Variants in TENM1 observed in about 807,000 individuals in gnomAD.
The protein encoded by TENM1 is teneurin-1.
In TENM1, 35 loss-of-function variants were observed where a neutral mutation model predicts 174.8. That is an observed-to-expected ratio of 0.20 (90% confidence interval 0.15 to 0.27). The LOEUF (loss-of-function observed/expected upper bound fraction) is 0.27. Ranked by LOEUF, TENM1 falls within the 10% of genes least tolerant of loss-of-function variation. The probability of loss-of-function intolerance (pLI) is 1.00; values close to 1 mark genes in which losing one functional copy is unlikely to be tolerated. For missense variants in TENM1, 1,633 were observed against 2,130.1 expected (o/e 0.77, Z 4.59); for synonymous variants, 781 against 798.7 (o/e 0.98, Z 0.37).
At chrX:124,809,792 C>T (rs1301842430) in intron 3 of TENM1, among the ~76,000 whole-genome samples, 2 of 106,011 alleles carry the variant, frequency 1.9e-5, no homozygotes, top group African/African-American at 6.9e-5. Context: ...AATAAACTTA[C>T]AATCATGGTA....
At chrX:125,203,460 G>C in the TENM1 span, among the ~76,000 whole-genome samples, 1 of 112,623 alleles carries the variant, frequency 8.9e-6, no homozygotes, top group Non-Finnish European at 1.9e-5. Flanking sequence ...AACTGAAGGA[G>C]TTGGTTGGTA....
chrX:124,987,717 G>A, the TENM1 span, among the ~76,000 whole-genome samples: 1 of 105,876 alleles, frequency 9.4e-6, no homozygotes, highest in Non-Finnish European at 1.9e-5. Flanking sequence ...GTGTGTGTGT[G>A]TGTGTGTGTG....
the TENM1 span, among the ~76,000 whole-genome samples, chrX:125,074,762 G>A: frequency 2.7e-5 from 3 of 110,451 alleles, no homozygotes; most frequent in Non-Finnish European, 1.9e-5. Context: ...ATTACACCAG[G>A]TCTATTCTCT....
chrX:124,715,324 G>A (rs1479795583), intron 4 of TENM1, among the ~76,000 whole-genome samples: 1 of 110,470 alleles, frequency 9.1e-6, no homozygotes, highest in Non-Finnish European at 1.9e-5. Flanking sequence ...GAACAAACAG[G>A]TGACGCAGGA....
the TENM1 span, among the ~76,000 whole-genome samples, chrX:124,983,622 G>T: frequency 4.5e-5 from 5 of 110,370 alleles, no homozygotes; most frequent in South Asian, 3.8e-4. Flanking sequence ...AAGTTTTTTT[G>T]TTGTTGTTTG....
chrX:124,560,191 T>TTGTGTGTGTGTGTGTG (rs375476919), intron 14 of TENM1, among the ~76,000 whole-genome samples: 3 of 88,210 alleles, frequency 3.4e-5, no homozygotes, highest in African/African-American at 8.4e-5. Flanking sequence ...TCTCTTCTAT[T>TTGTGTGTGTGTGTGTG]TGTGTGTGTG....
At chrX:124,581,411 G>A (rs1023108026) in intron 11 of TENM1, among the ~76,000 whole-genome samples, 1 of 93,028 alleles carries the variant, frequency 1.1e-5, no homozygotes, top group Non-Finnish European at 2.1e-5. Context: ...TGGTACATAT[G>A]TACCACATTT....
chrX:124,506,789 A>G (rs927828156), intron 18 of TENM1, among the ~76,000 whole-genome samples: 3 of 112,053 alleles, frequency 2.7e-5, no homozygotes, highest in African/African-American at 6.5e-5. Flanking sequence ...CTCCAAGCTC[A>G]CAAGAACTAG....
chrX:125,148,621 A>T, the TENM1 span, among the ~76,000 whole-genome samples: 3 of 111,636 alleles, frequency 2.7e-5, no homozygotes, highest in Non-Finnish European at 5.7e-5. Context: ...CATAGTTCTA[A>T]ATGTCTAACC....
At chrX:124,929,329 T>A (rs981379240) in intron 1 of TENM1, among the ~76,000 whole-genome samples, 2 of 112,028 alleles carry the variant, frequency 1.8e-5, no homozygotes, top group South Asian at 7.4e-4. Flanking sequence ...CTGAGGGGAT[T>A]GTTTATGCCT....
the TENM1 span, among the ~76,000 whole-genome samples, chrX:125,060,593 A>G: frequency 9.0e-5 from 10 of 111,281 alleles, no homozygotes; most frequent in African/African-American, 3.3e-4. Context: ...AAACTACTTT[A>G]TAATATAATT....
chrX:124,671,884 C>G, intron 5 of TENM1, 49 bp from the exon 9 acceptor site: 2 of 1,165,637 alleles, frequency 1.7e-6, no homozygotes, highest in Non-Finnish European at 2.3e-6. Flanking sequence ...TCACTGAGAA[C>G]ATCTCCAAGC....
At chrX:124,674,686 A>G (rs2052019844) in intron 5 of TENM1, among the ~76,000 whole-genome samples, 1 of 111,545 alleles carries the variant, frequency 9.0e-6, no homozygotes, top group Non-Finnish European at 1.9e-5. Context: ...AAGCTATATT[A>G]GTGACATCCT....
At chrX:125,167,941 T>A in the TENM1 span, among the ~76,000 whole-genome samples, 1 of 111,167 alleles carries the variant, frequency 9.0e-6, no homozygotes. Context: ...AATCATGATT[T>A]TGTGTCAAGG....
At chrX:125,162,060 A>C in the TENM1 span, among the ~76,000 whole-genome samples, 63 of 112,106 alleles carry the variant, frequency 5.6e-4, no homozygotes, top group East Asian at 0.017. Flanking sequence ...GCACTTAAAA[A>C]GTAACAAGAA....
In TENM1 at chrX:124,542,568, T is replaced by A. The variant is rs899808833; in HGVS notation, c.2651+4306A>T. Among the ~76,000 whole-genome samples, 6 of 111,648 alleles carry A rather than the reference T, an allele frequency of 5.4e-5. 1 individual carries two copies. Among genetic ancestry groups the A allele is most frequent in the Non-Finnish European group, 1.1e-4 (6 of 53,180 alleles). ...CAACACAATTGATTCAGCAGGACTG[T>A]TGCAAGATTTTAGATCTTTAAGCTG... On this transcript the variant is annotated intron_variant, in intron 15 of 31. Transcript: ENST00000422452.
intron 3 of TENM1, among the ~76,000 whole-genome samples, chrX:124,763,943 T>C (rs2054480264): frequency 8.9e-6 from 1 of 112,379 alleles, no homozygotes; most frequent in Non-Finnish European, 1.9e-5. Context: ...GGAAAAACTG[T>C]TGCTGGTACA....
At chrX:124,963,400 A>T in intron 1 of TENM1, 137 bp downstream of exon 4, 1 of 526,782 alleles carries the variant, frequency 1.9e-6, no homozygotes, top group South Asian at 3.1e-5. Context: ...TATGCAATAG[A>T]TTCTCTGAGC....
intron 20 of TENM1, among the ~76,000 whole-genome samples, chrX:124,491,486 G>A (rs908653541): frequency 3.4e-4 from 38 of 111,270 alleles, no homozygotes; most frequent in Non-Finnish European, 1.5e-4. Context: ...AAGTCGCAGA[G>A]GTTTAATTGT....
Sources: gnomAD v4.1 joint callset for allele counts (sites outside exome capture counted in the v4.1 genomes callset) on GRCh38, gnomAD v4.1.1 for gene constraint, MANE v1.5 for transcripts, NCBI Gene and HGNC (gene_info 2026-07-23, HGNC 2026-07-21) for gene names.